Variants in ASIC2 observed in about 807,000 individuals in gnomAD.
The protein encoded by ASIC2 is acid sensing ion channel subunit 2.
A neutral mutation model predicts 57.3 loss-of-function variants in ASIC2; 25 were observed. That is an observed-to-expected ratio of 0.44 (90% confidence interval 0.32 to 0.61). The LOEUF is 0.61. Among genes scored for constraint, ASIC2 ranks in the 20% least tolerant of loss-of-function variants. ASIC2 has a pLI of 0.06. For synonymous variants in ASIC2, 319 were observed against 307.5 expected, an observed-to-expected ratio of 1.04 and a Z score of -0.39; for missense variants, 641 against 738.1, an observed-to-expected ratio of 0.87 and a Z score of 1.52.
At chr17:33,928,465 A>T (rs1915867959) in intron 1 of ASIC2, among the ~76,000 whole-genome samples, 1 of 151,928 alleles carries the variant, frequency 6.6e-6, no homozygotes, top group Non-Finnish European at 1.5e-5. Context: ...TATCCTCTAC[A>T]CCTATGCTCT....
At chr17:33,916,335 A>G (rs921979279) in intron 1 of ASIC2, among the ~76,000 whole-genome samples, 1 of 152,114 alleles carries the variant, frequency 6.6e-6, no homozygotes, top group Non-Finnish European at 1.5e-5. Context: ...GCTACTAAGT[A>G]CCGGTAGGTA....
intron 1 of ASIC2, among the ~76,000 whole-genome samples, chr17:33,524,634 G>T (rs1192320344): frequency 6.6e-6 from 1 of 152,144 alleles, no homozygotes; most frequent in African/African-American, 2.4e-5. Flanking sequence ...TGCTGGCTTG[G>T]TGTGGCAGCT....
intron 1 of ASIC2, among the ~76,000 whole-genome samples, chr17:33,979,688 G>T (rs914223646): frequency 2.6e-5 from 4 of 152,156 alleles, no homozygotes; most frequent in African/African-American, 9.7e-5. Flanking sequence ...GAGCTAGAGT[G>T]AACCATGTTG....
At chr17:33,683,241 G>A (rs1459530219) in intron 1 of ASIC2, among the ~76,000 whole-genome samples, 1 of 152,118 alleles carries the variant, frequency 6.6e-6, no homozygotes, top group Non-Finnish European at 1.5e-5. Context: ...CTAAATTTTT[G>A]TATTTTAGTA....
At chr17:34,147,674 GTAGGCTTGGTCTCAGGTTGTAA>G (rs1912455933) in intron 1 of ASIC2, among the ~76,000 whole-genome samples, 1 of 152,210 alleles carries the variant, frequency 6.6e-6, no homozygotes, top group Non-Finnish European at 1.5e-5. Flanking sequence ...GAGGGGTGAT[GTAGGCTTGGTCTCAGGTTGTAA>G]TAGATCATGG....
intron 1 of ASIC2, among the ~76,000 whole-genome samples, chr17:34,000,306 C>G (rs889575958): frequency 7.1e-6 from 1 of 141,420 alleles, no homozygotes; most frequent in African/African-American, 2.8e-5. Flanking sequence ...GGCTGGAGTG[C>G]AATGGTGCGA....
chr17:33,790,529 C>T (rs1258689198), intron 1 of ASIC2, among the ~76,000 whole-genome samples: 3 of 152,166 alleles, frequency 2.0e-5, no homozygotes, highest in Admixed American at 2.0e-4. Flanking sequence ...GATATTTTCT[C>T]ATTCTCACTT....
chr17:33,704,205 G>A (rs1567693825), intron 1 of ASIC2, among the ~76,000 whole-genome samples: 2 of 152,154 alleles, frequency 1.3e-5, no homozygotes, highest in African/African-American at 2.4e-5. Context: ...GAGCATGCAC[G>A]TTTTGATTTT....
chr17:33,029,225 C>T (rs2091871125), intron 3 of ASIC2, among the ~76,000 whole-genome samples: 1 of 152,188 alleles, frequency 6.6e-6, no homozygotes, highest in African/African-American at 2.4e-5. Flanking sequence ...AGCACACCAA[C>T]CAAGATAGAG....
chr17:33,394,171 C>A (rs1472432637), intron 1 of ASIC2, among the ~76,000 whole-genome samples: 1 of 152,202 alleles, frequency 6.6e-6, no homozygotes, highest in Non-Finnish European at 1.5e-5. Flanking sequence ...GGTGACAGGG[C>A]TATAAGTAAA....
rs1904653713 is a variant in ASIC2 at position 33,148,444 on chromosome 17, A to T, written c.709-36377T>A. ...TGATTCCTTTCACCTAAACATTAGG[A>T]TGTGCGAGAAGAAGCACACTTGGGT... is the stretch of plus-strand genomic sequence containing the variant. On this transcript the variant is annotated intron_variant, in intron 1 of 9. Coordinates refer to ENST00000225823, the MANE Select transcript of ASIC2 (RefSeq NM_183377.2). Among the ~76,000 whole-genome samples, 3 of 152,196 alleles carry T rather than the reference A, an allele frequency of 2.0e-5. No homozygotes were observed. The East Asian group carries it at 5.8e-4, about 29-fold the overall frequency.
rs561900996 is a variant in ASIC2, at chr17:33,667,959, A to G, written c.555+488019T>C. Among the ~76,000 whole-genome samples, 22 of 152,352 alleles carry G rather than the reference A, an allele frequency of 1.4e-4. No individual in the cohort carries two copies. The East Asian group carries it at 2.7e-3, about 19-fold the overall frequency. On this transcript the variant is annotated intron_variant, in intron 1 of 9. Transcript: ENST00000359872. ...ATACCAGAAAGTCCAGGCCTGCTCA[A>G]AACAAGTGCAGACTGGAGTAGGAAA...
At chr17:34,091,474 G>T (rs1158938255) in intron 1 of ASIC2, among the ~76,000 whole-genome samples, 1 of 152,224 alleles carries the variant, frequency 6.6e-6, no homozygotes, top group African/African-American at 2.4e-5. Flanking sequence ...GTAGTTAGGG[G>T]TTACCCGGCA....
At chr17:33,089,845 C>T (rs2092150467) in intron 2 of ASIC2, among the ~76,000 whole-genome samples, 1 of 152,074 alleles carries the variant, frequency 6.6e-6, no homozygotes, top group African/African-American at 2.4e-5. Context: ...AAGAAATGGC[C>T]CTTGGCAGTG....
intron 1 of ASIC2, among the ~76,000 whole-genome samples, chr17:33,675,626 C>T (rs1046520130): frequency 3.3e-5 from 5 of 152,144 alleles, no homozygotes; most frequent in Non-Finnish European, 5.9e-5. Flanking sequence ...GGCTGGAGTG[C>T]AGTGGTGCAA....
intron 1 of ASIC2, among the ~76,000 whole-genome samples, chr17:33,813,695 C>CA (rs749636180): frequency 6.6e-6 from 1 of 152,238 alleles, no homozygotes; most frequent in Non-Finnish European, 1.5e-5. Flanking sequence ...CTGGGCCTCC[C>CA]AAAGTCCTGG....
intron 1 of ASIC2, among the ~76,000 whole-genome samples, chr17:34,107,098 T>C (rs1911090436): frequency 6.6e-6 from 1 of 152,158 alleles, no homozygotes; most frequent in Non-Finnish European, 1.5e-5. Context: ...TTTAGAGATA[T>C]CTCCAGTTCC....
At position 33,903,215 on chromosome 17, in the gene ASIC2, C is replaced by T. The variant is rs374282470; in HGVS notation, c.555+252763G>A. Among the ~76,000 whole-genome samples the T allele has an allele frequency of 1.2e-3, 181 of 152,218 alleles. 2 individuals carry two copies. The highest frequency in any genetic ancestry group is 4.1e-3 in the African/African-American group (171 of 41,550). On this transcript the variant is annotated intron_variant, in intron 1 of 9. Transcript: ENST00000359872. The stretch of plus-strand genomic sequence containing the variant: ...ACCTTTGACCTTCTTTTTCTCAGGC[C>T]CTGTCTTTCTCTCTCATGGTGCAGA...
At chr17:33,531,917 G>T (rs1325134393) in intron 1 of ASIC2, among the ~76,000 whole-genome samples, 1 of 152,190 alleles carries the variant, frequency 6.6e-6, no homozygotes, top group East Asian at 1.9e-4. Context: ...TCCAGGTGAG[G>T]TCAAGGGCCA....
Sources: allele counts gnomAD v4.1 joint callset (sites outside exome capture counted in the v4.1 genomes callset), GRCh38; gene constraint gnomAD v4.1.1; transcripts MANE v1.5; gene names NCBI Gene and HGNC (gene_info 2026-07-23, HGNC 2026-07-21).